The following ZNF398 variants were observed in gnomAD, a reference collection of about 807,000 sequenced individuals.
ZNF398 encodes the protein zinc finger DNA binding protein ZER6.
Under a neutral mutation model 41.9 loss-of-function variants are expected in ZNF398, and 18 were observed. That is an observed-to-expected ratio of 0.43 (90% CI 0.30 to 0.64). The LOEUF is 0.64. ZNF398 is among the 30% of genes least tolerant of loss of function. The pLI is 0.14. For synonymous variants in ZNF398, 260 were observed against 308.8 expected, an observed-to-expected ratio of 0.84 and a Z score of 1.66; for missense variants, 669 against 822.8, an observed-to-expected ratio of 0.81 and a Z score of 2.29.
intron 4 of ZNF398, among the ~76,000 whole-genome samples, chr7:149,171,665 T>G (rs1465114564): frequency 1.3e-5 from 2 of 151,852 alleles, no homozygotes; most frequent in Admixed American, 6.6e-5. Flanking sequence ...AGTGCTGGGA[T>G]TTACTTTTTA....
In ZNF398 at chr7:149,166,937, G is replaced by T; in HGVS notation, c.661+7G>T. 1 of 1,585,332 alleles carries T rather than the reference G, an allele frequency of 6.3e-7. No homozygotes were observed. Among genetic ancestry groups the T allele is most frequent in the East Asian group, 2.3e-5 (1 of 44,404 alleles). On this transcript the variant is annotated splice_region_variant and intron_variant, in intron 4 of 5. Coordinates refer to ENST00000475153, the MANE Select transcript of ZNF398 (RefSeq NM_170686.3). ...CCCACAGACCCCAGTGAAGGTAAGT[G>T]GGAGAAGAGATTCCTACTTCTTGTC... is the stretch of plus-strand genomic sequence containing the variant.
chr7:149,155,703 A>AT lies in ZNF398; in HGVS notation c.420+1364dup, dbSNP rs1563159445. On this transcript the variant is annotated intron_variant, in intron 2 of 5. Transcript: ENST00000475153. ...TTTGGTTATATATATATATATATAT[A>AT]TATATTTTTTTTTTTTTTTTTTTTT... Among the ~76,000 whole-genome samples, 21 of 31,286 alleles carry AT rather than the reference A, an allele frequency of 6.7e-4. No individual in the cohort carries two copies. In the South Asian group the frequency reaches 9.9e-3, roughly 15 times the overall value. 20.5% of individuals were successfully genotyped at this position (31,286 alleles called of 152,430 possible). A position where few individuals can be genotyped will look rare whatever the true frequency, so the allele number is the denominator to read the frequency against.
intron 2 of ZNF398, among the ~76,000 whole-genome samples, chr7:149,163,913 C>T (rs1795168921): frequency 1.3e-5 from 2 of 151,784 alleles, no homozygotes. Context: ...AGGAGTCGAG[C>T]CCCACCTGAC....
intron 2 of ZNF398, among the ~76,000 whole-genome samples, chr7:149,129,980 G>A (rs751153037): frequency 2.0e-5 from 3 of 151,746 alleles, no homozygotes; most frequent in Non-Finnish European, 4.4e-5. Flanking sequence ...TGTATTTTTG[G>A]TAGAGACGGG....
chr7:149,178,931 C>T lies in ZNF398; in HGVS notation c.1059C>T (p.Ser353=), dbSNP rs1457187356. The change falls in exon 6 of 6, where the codon AGC becomes AGT. Residue 353 remains serine (S), a synonymous_variant. Transcript: ENST00000475153. The part of the protein sequence containing the change: ...FSCHHCGKNL[S]QDMLLTHQCS... ...GCCACCACTGTGGCAAGAATCTCAG[C>T]CAAGACATGTTGCTGACCCACCAAT... 6.2e-7 allele frequency: 1 copy of T among 1,614,136 alleles called. No individual in the cohort carries two copies. The highest frequency in any genetic ancestry group is 8.5e-7 in the Non-Finnish European group (1 of 1,180,012).
intron 4 of ZNF398, among the ~76,000 whole-genome samples, chr7:149,169,513 A>G (rs147361809): frequency 3.3e-5 from 5 of 152,204 alleles, no homozygotes; most frequent in Non-Finnish European, 7.4e-5. Context: ...GTGCAGTGCC[A>G]TGATCTGAGA....
upstream of ZNF398, chr7:149,147,356 G>C (rs1203310295): frequency 6.4e-6 from 1 of 155,552 alleles, no homozygotes; most frequent in Non-Finnish European, 1.4e-5. The surrounding 1 kb of genome is among the most constrained non-coding windows in gnomAD (Gnocchi z 5.6). Flanking sequence ...GAGGCGACGC[G>C]GGGGGCGCTG....
chr7:149,155,287 G>C (rs1435073512), intron 2 of ZNF398, among the ~76,000 whole-genome samples: 1 of 152,102 alleles, frequency 6.6e-6, no homozygotes, highest in Non-Finnish European at 1.5e-5. Context: ...GGGCTTGGTG[G>C]TGGGCGCCTT....
At chr7:149,151,124 G>A in intron 1 of ZNF398, 2 of 644,390 alleles carry the variant, frequency 3.1e-6, no homozygotes, top group East Asian at 1.1e-4. Flanking sequence ...GGCATGGAGG[G>A]CACAAGTCAG....
At chr7:149,155,700 T>C (rs1794952343) in intron 2 of ZNF398, among the ~76,000 whole-genome samples, 2 of 56,252 alleles carry the variant, frequency 3.6e-5, no homozygotes, top group Non-Finnish European at 3.5e-5. Flanking sequence ...TATATATATA[T>C]ATATATATTT....
intron 2 of ZNF398, among the ~76,000 whole-genome samples, chr7:149,132,429 T>C (rs967989355): frequency 5.3e-5 from 8 of 152,034 alleles, no homozygotes; most frequent in African/African-American, 1.9e-4. Flanking sequence ...CCTGACCTCA[T>C]GTGATCTGCC....
chr7:149,150,689 C>T (rs1827087700), intron 1 of ZNF398, among the ~76,000 whole-genome samples: 1 of 144,130 alleles, frequency 6.9e-6, no homozygotes, highest in South Asian at 2.1e-4. Flanking sequence ...CCAGGTGATT[C>T]TTCCCCGCCT....
At position 149,139,984 on chromosome 7, in the gene ZNF398, C is replaced by T. The variant is rs62505075; in HGVS notation, c.-490+11040C>T. Reference sequence around the variant, plus strand: ...CTGCACTCCAGCCTGGGCAACAGAGCGAAATCCATCTCAAAGAAAAAAATA... The same window carrying T: ...CTGCACTCCAGCCTGGGCAACAGAGTGAAATCCATCTCAAAGAAAAAAATA... On this transcript the variant is annotated intron_variant, in intron 2 of 6. Coordinates refer to the ZNF398 transcript ENST00000426851. Among the ~76,000 whole-genome samples the T allele has an allele frequency of 3.3e-4, 50 of 151,142 alleles. 2 individuals are homozygous for T. The East Asian group carries it at 8.3e-3, about 25-fold the overall frequency.
In ZNF398 at chr7:149,179,685, C is replaced by T. The variant is rs762076089; in HGVS notation, c.1813C>T (p.Pro605Ser). ...TGATAGTGACCCATCAGGTCAGCCACCCAACCCACCAGGTCCCCTCATAAC... is the reference window on the plus strand; with the variant it reads ...TGATAGTGACCCATCAGGTCAGCCATCCAACCCACCAGGTCCCCTCATAAC... ...GGDSDPSGQP[P>S]NPPGPLITGL... Residue 605 changes from proline (P) to serine (S), a missense_variant, in exon 6 of 6, where the codon CCC becomes TCC. Transcript: ENST00000475153. This position sits in a 1 kb window ranked among gnomAD's most constrained non-coding sequence, Gnocchi z 6.1. 3 of 1,614,230 alleles carry T rather than the reference C, an allele frequency of 1.9e-6. No individual in the cohort carries two copies. Among genetic ancestry groups the T allele is most frequent in the South Asian group, 2.2e-5 (2 of 91,086 alleles).
At position 149,183,024 on chromosome 7, in the gene ZNF398, TAA is replaced by T. The variant is rs1204360454; in HGVS notation, c.*3240_*3241del. On this transcript the variant is annotated 3_prime_UTR_variant, in exon 6 of 6. Coordinates refer to ENST00000475153, the MANE Select transcript of ZNF398 (RefSeq NM_170686.3). ...CAGTCCACACAAGCCTCGTTGATAT[TAA>T]AAAAAAAAAAAAAAAAGGACCTCAT... Among the ~76,000 whole-genome samples the T allele has an allele frequency of 6.4e-5, 8 of 125,402 alleles. No individual in the cohort carries two copies. The highest frequency in any genetic ancestry group is 8.2e-5 in the Admixed American group (1 of 12,160). The allele number at this position is 125,402 out of a possible 152,430, so 82.3% of individuals were successfully genotyped here.
At chr7:149,164,967 GCCCGTAAT>G (rs1234377258) in intron 2 of ZNF398, among the ~76,000 whole-genome samples, 3 of 151,858 alleles carry the variant, frequency 2.0e-5, no homozygotes, top group Non-Finnish European at 4.4e-5. Flanking sequence ...GGTGGCGGGT[GCCCGTAAT>G]CCTGGCTACT....
intron 3 of ZNF398, 84 bp downstream of exon 3, chr7:149,166,368 A>C: frequency 1.3e-6 from 2 of 1,535,998 alleles, no homozygotes; most frequent in Non-Finnish European, 1.8e-6. Context: ...CAGTGACCTC[A>C]TTCTCACTCT....
intron 4 of ZNF398, among the ~76,000 whole-genome samples, chr7:149,167,452 C>T (rs1031013800): frequency 3.3e-5 from 5 of 152,024 alleles, no homozygotes; most frequent in African/African-American, 4.8e-5. Flanking sequence ...AGACTGCCAA[C>T]CAAAGTCCAG....
intron 2 of ZNF398, among the ~76,000 whole-genome samples, chr7:149,131,819 G>A (rs1826601102): frequency 6.6e-6 from 1 of 152,006 alleles, no homozygotes; most frequent in South Asian, 2.1e-4. Context: ...AAGTAGCGGG[G>A]AGGGTTTCCT....
Sources: allele counts gnomAD v4.1 joint callset (sites outside exome capture counted in the v4.1 genomes callset), GRCh38; gene constraint gnomAD v4.1.1; non-coding constraint Gnocchi (gnomAD v3.1); transcripts MANE v1.5; gene names NCBI Gene and HGNC (gene_info 2026-07-23, HGNC 2026-07-21).